PPIL1: variants seen among roughly 807,000 people sequenced by gnomAD.
The protein encoded by PPIL1 is peptidylprolyl isomerase like 1.
PPIL1 carries 14 observed loss-of-function variants against 19.4 expected under a neutral mutation model. That is an observed-to-expected ratio of 0.72 (90% CI 0.48 to 1.13). The LOEUF (loss-of-function observed/expected upper bound fraction) is 1.13. PPIL1 is among the 50% of genes most tolerant of loss of function. The probability of loss-of-function intolerance (pLI) is 0.00; values close to 1 mark genes in which losing one functional copy is unlikely to be tolerated. For synonymous variants in PPIL1, 72 were observed against 73.6 expected, an observed-to-expected ratio of 0.98 and a Z score of 0.11; for missense variants, 192 against 218.0, an observed-to-expected ratio of 0.88 and a Z score of 0.75.
intron 2 of PPIL1, among the ~76,000 whole-genome samples, chr6:36,871,342 G>A (rs904930686): frequency 6.6e-6 from 1 of 152,192 alleles, no homozygotes; most frequent in Non-Finnish European, 1.5e-5. Flanking sequence ...TGAATGAATC[G>A]ATAAAAGAAC....
Position 36,871,855 on chromosome 6 carries a change from A to G in PPIL1, c.74T>C (p.Leu25Pro). Reference protein sequence around the residue: ...YLETSMGIIVLELYWKHAPKT... With the variant: ...YLETSMGIIVPELYWKHAPKT... ...TGGAGCATGCTTCCAGTACAGCTCC[A>G]GCACAATGATTCCCATGCTGCAGAG... Residue 25 changes from leucine (L) to proline (P), a missense_variant, in exon 2 of 4, where the codon CTG becomes CCG. Physicochemically the swap from Leu to Pro is moderately conservative, Grantham distance 98. Coordinates refer to ENST00000373699, the MANE Select transcript of PPIL1 (RefSeq NM_016059.5). 6.3e-7 allele frequency: 1 copy of G among 1,592,340 alleles called. No individual in the cohort carries two copies. Among genetic ancestry groups the G allele is most frequent in the Non-Finnish European group, 8.5e-7 (1 of 1,172,814 alleles).
rs1209850718 is a variant in PPIL1, at chr6:36,860,762, CT to C, written c.212-4109del. On this transcript the variant is annotated intron_variant, in intron 2 of 3. Transcript: ENST00000373699. ...TTTTTTACTACACATATATGTATCC[CT>C]AAAAAAAAAAAAAAAAAAGTATTGC... Among the ~76,000 whole-genome samples the C allele has an allele frequency of 4.2e-5, 5 of 117,834 alleles. No homozygotes were observed. The East Asian group carries it at 7.0e-4, about 16-fold the overall frequency. The allele number at this position is 117,834 out of a possible 152,430, so 77.3% of individuals were successfully genotyped here.
At chr6:36,873,337 T>G (rs1236347152) in intron 1 of PPIL1, among the ~76,000 whole-genome samples, 1 of 152,182 alleles carries the variant, frequency 6.6e-6, no homozygotes, top group Non-Finnish European at 1.5e-5. Context: ...GTCCTTGAAA[T>G]AGGAAATGCC....
chr6:36,873,586 GGATTT>G (rs1212690361), intron 1 of PPIL1, among the ~76,000 whole-genome samples: 6 of 152,136 alleles, frequency 3.9e-5, no homozygotes, highest in African/African-American at 1.4e-4. Context: ...TACATTGCTT[GGATTT>G]AACAATTTAT....
At chr6:36,860,264 G>C (rs898820872) in intron 2 of PPIL1, among the ~76,000 whole-genome samples, 21 of 152,134 alleles carry the variant, frequency 1.4e-4, no homozygotes, top group Middle Eastern at 3.4e-3. Flanking sequence ...CCCAGGAGTT[G>C]AGACCAGCCT....
chr6:36,871,251 A>G (rs1296669615), intron 2 of PPIL1, among the ~76,000 whole-genome samples: 2 of 152,218 alleles, frequency 1.3e-5, no homozygotes, highest in East Asian at 3.8e-4. Context: ...GAGAGCAATA[A>G]TTCTGTCTCT....
At chr6:36,873,844 G>A (rs1774574306) in intron 1 of PPIL1, among the ~76,000 whole-genome samples, 1 of 152,008 alleles carries the variant, frequency 6.6e-6, no homozygotes, top group South Asian at 2.1e-4. Context: ...GGTAGACAAG[G>A]GCCAGATGAA....
At chr6:36,872,208 T>G (rs900418758) in intron 1 of PPIL1, among the ~76,000 whole-genome samples, 3 of 151,572 alleles carry the variant, frequency 2.0e-5, no homozygotes, top group Non-Finnish European at 2.9e-5. Flanking sequence ...ACCCCTAAAT[T>G]AGGAAAAAAA....
intron 2 of PPIL1, among the ~76,000 whole-genome samples, chr6:36,870,934 C>T (rs1774497130): frequency 1.3e-5 from 2 of 152,146 alleles, no homozygotes; most frequent in African/African-American, 4.8e-5. Context: ...TAGAGTGATC[C>T]TTTTAAAGCA....
intron 2 of PPIL1, among the ~76,000 whole-genome samples, chr6:36,862,824 C>T (rs1774317415): frequency 6.6e-6 from 1 of 152,244 alleles, no homozygotes; most frequent in South Asian, 2.1e-4. Context: ...CTGACACAAA[C>T]ACTTTGTTAA....
In PPIL1 at chr6:36,867,738, A is replaced by T. The variant is rs1583116117; in HGVS notation, c.211+3980T>A. Among the ~76,000 whole-genome samples, 5 of 152,358 alleles carry T rather than the reference A, an allele frequency of 3.3e-5. No individual in the cohort carries two copies. In the South Asian group the frequency reaches 1.0e-3, roughly 32 times the overall value. On this transcript the variant is annotated intron_variant, in intron 2 of 3. Transcript: ENST00000373699. ...ACTTTAAGGGAGTCTGGGAAGATAGAACAGAGGCTAGCCCTCCCACAAGGG... is the reference window on the plus strand; with the variant it reads ...ACTTTAAGGGAGTCTGGGAAGATAGTACAGAGGCTAGCCCTCCCACAAGGG...
At chr6:36,871,068 G>C (rs1774499619) in intron 2 of PPIL1, among the ~76,000 whole-genome samples, 1 of 152,204 alleles carries the variant, frequency 6.6e-6, no homozygotes, top group South Asian at 2.1e-4. Flanking sequence ...TTCCAGCACA[G>C]GTTCCTGCCT....
chr6:36,867,989 A>T (rs1329069753), intron 2 of PPIL1, among the ~76,000 whole-genome samples: 2 of 152,214 alleles, frequency 1.3e-5, no homozygotes. Context: ...AATGGCATGG[A>T]AACTAGGCAA....
chr6:36,861,380 G>A (rs1011304194), intron 2 of PPIL1, among the ~76,000 whole-genome samples: 2 of 152,076 alleles, frequency 1.3e-5, no homozygotes, highest in Non-Finnish European at 2.9e-5. Context: ...ATGACATTTT[G>A]GAATTGATAC....
chr6:36,856,451 G>A (rs1339110871), intron 3 of PPIL1, 135 bp downstream of exon 3: 1 of 758,890 alleles, frequency 1.3e-6, no homozygotes, highest in Non-Finnish European at 2.2e-6. Flanking sequence ...ATCCACCAGG[G>A]CACTTCATGG....
intron 2 of PPIL1, among the ~76,000 whole-genome samples, chr6:36,860,060 C>G (rs1272168072): frequency 6.6e-6 from 1 of 152,040 alleles, no homozygotes; most frequent in Non-Finnish European, 1.5e-5. Flanking sequence ...ATCTTGACCT[C>G]ATGATCTGCC....
At chr6:36,858,952 A>C (rs1002325342) in intron 2 of PPIL1, among the ~76,000 whole-genome samples, 5 of 152,180 alleles carry the variant, frequency 3.3e-5, no homozygotes, top group African/African-American at 1.2e-4. Context: ...GACTTGAGTG[A>C]GCAAGCTAAG....
chr6:36,856,188 T>C (rs968835343), intron 3 of PPIL1, among the ~76,000 whole-genome samples, 155 bp from the exon 4 acceptor site: 2 of 152,194 alleles, frequency 1.3e-5, no homozygotes, highest in Non-Finnish European at 2.9e-5. Flanking sequence ...CTCTGCCCTG[T>C]ACAAAGGCCA....
At chr6:36,874,312 T>C (rs1774587569) in intron 1 of PPIL1, among the ~76,000 whole-genome samples, 1 of 152,346 alleles carries the variant, frequency 6.6e-6, no homozygotes, top group Non-Finnish European at 1.5e-5. Context: ...CTGTATTACT[T>C]ATCACGTAAT....
Sources: gnomAD v4.1 joint callset for allele counts (sites outside exome capture counted in the v4.1 genomes callset) on GRCh38, gnomAD v4.1.1 for gene constraint, MANE v1.5 for transcripts, NCBI Gene and HGNC (gene_info 2026-07-23, HGNC 2026-07-21) for gene names.